Variants in AMPD3 observed in about 807,000 individuals in gnomAD.
The protein encoded by AMPD3 is adenosine monophosphate deaminase 3, also known as AMP deaminase 3.
Under a neutral mutation model 82.3 loss-of-function variants are expected in AMPD3, and 57 were observed. That is an observed-to-expected ratio of 0.69 (90% CI 0.56 to 0.86). AMPD3 has a LOEUF of 0.86. Among genes scored for constraint, AMPD3 ranks in the 40% least tolerant of loss-of-function variants. AMPD3 has a pLI of 0.00. For synonymous variants in AMPD3, 381 were observed against 394.7 expected (o/e 0.97, Z 0.41); for missense variants, 870 against 1,003.8 (o/e 0.87, Z 1.80).
chr11:10,481,388 C>T, intron 3 of AMPD3: 1 of 966,504 alleles, frequency 1.0e-6, no homozygotes, highest in Non-Finnish European at 1.2e-6. Context: ...AGGCTTTGTC[C>T]CTCCATGGGC....
At chr11:10,503,794 T>C (rs1849641650) in intron 13 of AMPD3, 2 of 212,112 alleles carry the variant, frequency 9.4e-6, no homozygotes, top group Non-Finnish European at 1.6e-5. Flanking sequence ...ATTCAATTTG[T>C]TTTTAATCAA....
At chr11:10,478,200 G>C (rs1294088848) in intron 2 of AMPD3, 1 of 985,264 alleles carries the variant, frequency 1.0e-6, no homozygotes, top group African/African-American at 1.7e-5. Flanking sequence ...CTAGTGCCCT[G>C]TGGTTTTAGA....
chr11:10,451,177 A>T, upstream of AMPD3: 1 of 1,472,026 alleles, frequency 6.8e-7, no homozygotes, highest in Non-Finnish European at 9.0e-7. Flanking sequence ...GGTGGCGCTG[A>T]CTCCGGTCCG....
At chr11:10,478,833 G>C (rs1271489773) in intron 3 of AMPD3, 103 bp downstream of exon 3, 3 of 1,264,250 alleles carry the variant, frequency 2.4e-6, no homozygotes, top group Non-Finnish European at 3.4e-6. Context: ...CCTGTCCGTG[G>C]ATGTCTGGGA....
chr11:10,459,063 C>A (rs1264888437), intron 1 of AMPD3, among the ~76,000 whole-genome samples: 3 of 152,134 alleles, frequency 2.0e-5, no homozygotes, highest in Admixed American at 6.5e-5. Flanking sequence ...AGCTTCCCCC[C>A]TCTCTGCTAT....
intron 2 of AMPD3, among the ~76,000 whole-genome samples, chr11:10,471,429 C>T (rs1221511821): frequency 6.6e-6 from 1 of 152,136 alleles, no homozygotes; most frequent in Non-Finnish European, 1.5e-5. Flanking sequence ...AAAGCCATGG[C>T]AACAAAAGCC....
intron 10 of AMPD3, 118 bp downstream of exon 10, chr11:10,497,056 T>C: frequency 7.5e-7 from 1 of 1,341,492 alleles, no homozygotes; most frequent in Non-Finnish European, 1.1e-6. Context: ...TCCTGCCACC[T>C]GTGTTCCAGG....
chr11:10,483,884 A>T (rs2133894565), intron 4 of AMPD3, among the ~76,000 whole-genome samples: 1 of 152,362 alleles, frequency 6.6e-6, no homozygotes, highest in African/African-American at 2.4e-5. Context: ...TGGCAGCTGG[A>T]CAGCTGATCC....
chr11:10,478,218 C>A, intron 2 of AMPD3: 1 of 985,400 alleles, frequency 1.0e-6, no homozygotes, highest in Non-Finnish European at 1.2e-6. Flanking sequence ...AGAGCCCCTG[C>A]CATGTGGTCT....
In AMPD3 at chr11:10,506,215, CAT is replaced by C. The variant is rs1381911180; in HGVS notation, c.*332_*333del. ...TTTTCCCTGGTCAGATGCCAAGTAACATGTGGTTTTCTGCCATACTTTTCTCC... is the reference window on the plus strand; with the variant it reads ...TTTTCCCTGGTCAGATGCCAAGTAACGTGGTTTTCTGCCATACTTTTCTCC... On this transcript the variant is annotated 3_prime_UTR_variant, in exon 15 of 15. Coordinates refer to ENST00000396553, the MANE Select transcript of AMPD3 (RefSeq NM_001025389.2). The surrounding 1 kb of genome is among the most constrained non-coding windows in gnomAD (Gnocchi z 4.1). 3 of 356,146 alleles carry C rather than the reference CAT, an allele frequency of 8.4e-6. No homozygotes were observed. Among genetic ancestry groups the C allele is most frequent in the Admixed American group, 4.2e-5 (1 of 23,544 alleles). 22.1% of individuals were successfully genotyped at this position (356,146 alleles called of 1,614,324 possible). A position where few individuals can be genotyped will look rare whatever the true frequency, so the allele number is the denominator to read the frequency against.
rs1848934702 is a variant in AMPD3 at position 10,482,315 on chromosome 11, A to G, written c.589+90A>G. ...TTTCTGGCTCGGTCTATTTCCCCTGATAGTATTTTAAAATGACAATGTTCT... is the reference window on the plus strand; with the variant it reads ...TTTCTGGCTCGGTCTATTTCCCCTGGTAGTATTTTAAAATGACAATGTTCT... On this transcript the variant is annotated intron_variant, in intron 4 of 14. Transcript: ENST00000396553. The G allele has an allele frequency of 2.1e-6, 3 of 1,433,252 alleles. No individual in the cohort carries two copies. The African/African-American group carries it at 4.3e-5, about 20-fold the overall frequency. 88.8% of individuals were successfully genotyped at this position (1,433,252 alleles called of 1,614,324 possible).
chr11:10,455,411 C>T lies in AMPD3; in HGVS notation c.-43C>T. On this transcript the variant is annotated 5_prime_UTR_variant, in exon 1 of 15. Coordinates refer to ENST00000396553, the MANE Select transcript of AMPD3 (RefSeq NM_001025389.2). ...GAGGAGTGGCAGAGTCCAGCCAGCG[C>T]TCGGAGCTGGAGGCCCACGTGGGAG... is the stretch of plus-strand genomic sequence containing the variant. 1 of 985,380 alleles carries T rather than the reference C, an allele frequency of 1.0e-6. No homozygotes were observed. The highest frequency in any genetic ancestry group is 1.2e-6 in the Non-Finnish European group (1 of 829,988). The allele number at this position is 985,380 out of a possible 1,614,324, so 61.0% of individuals were successfully genotyped here.
intron 4 of AMPD3, chr11:10,484,415 T>A: frequency 1.0e-6 from 1 of 985,378 alleles, no homozygotes; most frequent in Non-Finnish European, 1.2e-6. Flanking sequence ...GTTTTTTTCC[T>A]GGGAGAAGAC....
intron 10 of AMPD3, among the ~76,000 whole-genome samples, chr11:10,498,737 G>A (rs553599669): frequency 7.2e-5 from 11 of 152,332 alleles, no homozygotes; most frequent in South Asian, 2.1e-4. Flanking sequence ...GGTCTGGGGC[G>A]TGGGCTGGGA....
intron 2 of AMPD3, among the ~76,000 whole-genome samples, chr11:10,464,482 T>G (rs955825768): frequency 6.6e-6 from 1 of 152,146 alleles, no homozygotes; most frequent in African/African-American, 2.4e-5. Flanking sequence ...CAGGTAGGGG[T>G]GGAGTCTTCG....
At position 10,506,880 on chromosome 11, in the gene AMPD3, C is replaced by T. The variant is rs983875789; in HGVS notation, c.*996C>T. The T allele has an allele frequency of 6.6e-6, 1 of 150,904 alleles. No homozygotes were observed. The highest frequency in any genetic ancestry group is 1.5e-5 in the Non-Finnish European group (1 of 67,916). 9.3% of individuals were successfully genotyped at this position (150,904 alleles called of 1,614,324 possible). A position where few individuals can be genotyped will look rare whatever the true frequency, so the allele number is the denominator to read the frequency against. On this transcript the variant is annotated 3_prime_UTR_variant, in exon 15 of 15. Coordinates refer to ENST00000396553, the MANE Select transcript of AMPD3 (RefSeq NM_001025389.2). The surrounding 1 kb of genome is among the most constrained non-coding windows in gnomAD (Gnocchi z 4.1). ...GTCTTTTCCCCACTATTCCATTAGA[C>T]CCCACAAATGTTAGTTGTGTGTGTG...
chr11:10,494,822 C>T, intron 7 of AMPD3, 77 bp from the exon 8 acceptor site: 1 of 1,580,600 alleles, frequency 6.3e-7, no homozygotes, highest in Non-Finnish European at 8.7e-7. Context: ...AGAAGGCCGC[C>T]TCGTAAAGGT....
At chr11:10,496,163 C>T in intron 9 of AMPD3, 1 of 928,766 alleles carries the variant, frequency 1.1e-6, no homozygotes, top group South Asian at 5.0e-5. Context: ...GATCCACCTG[C>T]CTCAGCCTCC....
chr11:10,479,470 T>C (rs1425196363), intron 3 of AMPD3, among the ~76,000 whole-genome samples: 1 of 152,220 alleles, frequency 6.6e-6, no homozygotes, highest in African/African-American at 2.4e-5. Context: ...ATGCAGCTTA[T>C]TGCTCTTCCT....
Sources: allele counts gnomAD v4.1 joint callset (sites outside exome capture counted in the v4.1 genomes callset), GRCh38; gene constraint gnomAD v4.1.1; non-coding constraint Gnocchi (gnomAD v3.1); transcripts MANE v1.5; gene names NCBI Gene and HGNC (gene_info 2026-07-23, HGNC 2026-07-21).